Variants in RIPOR3 observed in about 807,000 individuals in gnomAD.
The protein encoded by RIPOR3 is family with sequence similarity 65 member C.
Under a neutral mutation model 114.3 loss-of-function variants are expected in RIPOR3, and 95 were observed. The ratio of observed to expected loss-of-function variants is 0.83; its 90% confidence interval spans 0.70 to 0.99. RIPOR3 has a LOEUF of 0.99. Ranked by LOEUF, RIPOR3 falls within the 50% of genes least tolerant of loss-of-function variation. The pLI, the probability that RIPOR3 is intolerant of heterozygous loss-of-function variation, is 0.00. For missense variants in RIPOR3, 1,252 were observed against 1,266.9 expected, an observed-to-expected ratio of 0.99 and a Z score of 0.18; for synonymous variants, 575 against 543.8, an observed-to-expected ratio of 1.06 and a Z score of -0.80.
intron 19 of RIPOR3, among the ~76,000 whole-genome samples, chr20:50,591,816 G>A (rs1391929991): frequency 6.6e-6 from 1 of 152,238 alleles, no homozygotes; most frequent in Non-Finnish European, 1.5e-5. Context: ...ACTAAGAAAG[G>A]CTGGGCGCAG....
rs942940961 is a variant in RIPOR3 at position 50,647,478 on chromosome 20, C to CTTT, written c.4-16625_4-16623dup. ...TCAAGTCTAGCCTTTGCCTCATTCT[C>CTTT]TTTTTTTTTTTTTTTTTTTTTTGAG... is the stretch of plus-strand genomic sequence containing the variant. On this transcript the variant is annotated intron_variant, in intron 1 of 21. Transcript: ENST00000327979. 5.1e-3 allele frequency among the ~76,000 whole-genome samples: 511 copies of CTTT among 100,270 alleles called. 2 individuals carry two copies. The highest frequency in any genetic ancestry group is 6.1e-3 in the Non-Finnish European group (309 of 50,292). 65.8% of individuals were successfully genotyped at this position (100,270 alleles called of 152,430 possible). A position where few individuals can be genotyped will look rare whatever the true frequency, so the allele number is the denominator to read the frequency against.
At chr20:50,676,291 C>T (rs1311337206) in intron 1 of RIPOR3, among the ~76,000 whole-genome samples, 1 of 152,092 alleles carries the variant, frequency 6.6e-6, no homozygotes, top group African/African-American at 2.4e-5. Context: ...TGCTGTGTCA[C>T]GTACTTGCCA....
chr20:50,690,383 T>C (rs1484183455), intron 1 of RIPOR3, among the ~76,000 whole-genome samples: 2 of 152,264 alleles, frequency 1.3e-5, no homozygotes, highest in South Asian at 4.1e-4. Flanking sequence ...TGGGCACTCT[T>C]CGTTCAAGCC....
At chr20:50,626,397 G>T (rs1043712623) in intron 2 of RIPOR3, among the ~76,000 whole-genome samples, 1 of 152,262 alleles carries the variant, frequency 6.6e-6, no homozygotes, top group Non-Finnish European at 1.5e-5. Flanking sequence ...CATCAGGGCT[G>T]TCTTTCCTAG....
Position 50,611,172 on chromosome 20 carries a change from CAG to C in RIPOR3, c.372+7_372+8del. On this transcript the variant is annotated splice_region_variant and intron_variant, in intron 5 of 21. Transcript: ENST00000327979. Reference sequence around the variant, plus strand: ...CCCAGCCCACCTCACTCACCGTATGCAGACTCACCTTGTCCAGGTCATAATAG... The same window carrying C: ...CCCAGCCCACCTCACTCACCGTATGCACTCACCTTGTCCAGGTCATAATAG... 6.2e-7 allele frequency: 1 copy of C among 1,614,186 alleles called. No homozygotes were observed. The highest frequency in any genetic ancestry group is 8.5e-7 in the Non-Finnish European group (1 of 1,180,044).
chr20:50,653,426 A>G (rs1164584038), intron 1 of RIPOR3, among the ~76,000 whole-genome samples: 3 of 151,834 alleles, frequency 2.0e-5, no homozygotes, highest in Non-Finnish European at 4.4e-5. Context: ...AAAGAAAAAA[A>G]CACTAAATTG....
chr20:50,622,583 C>G (rs967680179), intron 2 of RIPOR3, among the ~76,000 whole-genome samples: 1 of 152,154 alleles, frequency 6.6e-6, no homozygotes, highest in African/African-American at 2.4e-5. Flanking sequence ...CAACCCACCC[C>G]TAAAAGCTGG....
intron 20 of RIPOR3, among the ~76,000 whole-genome samples, chr20:50,588,866 G>A (rs2122846699): frequency 6.6e-6 from 1 of 151,534 alleles, no homozygotes; most frequent in East Asian, 1.9e-4. Context: ...AGATCACGAG[G>A]TCAGGAGATC....
intron 1 of RIPOR3, among the ~76,000 whole-genome samples, chr20:50,686,366 G>A (rs1292539209): frequency 2.0e-5 from 3 of 152,042 alleles, no homozygotes; most frequent in Non-Finnish European, 4.4e-5. Flanking sequence ...AAGACAACGG[G>A]CTCTTAACAG....
Position 50,616,965 on chromosome 20 carries a change from AC to A in RIPOR3, c.270-886del, listed in dbSNP as rs1358183769. Reference sequence around the variant, plus strand: ...AGACCATCCTGGCTAACACAGTGAAACCCCATCTCTCCTAAAAATACAAAAA... The same window carrying A: ...AGACCATCCTGGCTAACACAGTGAAACCCATCTCTCCTAAAAATACAAAAA... On this transcript the variant is annotated intron_variant, in intron 3 of 21. Transcript: ENST00000327979. Among the ~76,000 whole-genome samples, 3 of 152,060 alleles carry A rather than the reference AC, an allele frequency of 2.0e-5. No homozygotes were observed. The East Asian group carries it at 5.8e-4, about 30-fold the overall frequency.
At chr20:50,626,637 C>T (rs1391514641) in intron 2 of RIPOR3, among the ~76,000 whole-genome samples, 3 of 152,238 alleles carry the variant, frequency 2.0e-5, no homozygotes, top group Non-Finnish European at 4.4e-5. Context: ...CCCCACAGGC[C>T]TGGCAGGAGG....
chr20:50,675,653 C>T (rs2086655022), intron 1 of RIPOR3, among the ~76,000 whole-genome samples: 1 of 152,308 alleles, frequency 6.6e-6, no homozygotes, highest in East Asian at 1.9e-4. Context: ...TGTCCAAGGC[C>T]ACCCTATTTA....
chr20:50,601,886 A>G (rs927137340), intron 13 of RIPOR3, among the ~76,000 whole-genome samples, 186 bp downstream of exon 13: 4 of 152,150 alleles, frequency 2.6e-5, no homozygotes, highest in African/African-American at 7.2e-5. Flanking sequence ...CCTGAGCCCC[A>G]TGAGGGCTGT....
intron 1 of RIPOR3, among the ~76,000 whole-genome samples, chr20:50,684,264 T>C (rs568146406): frequency 6.6e-6 from 1 of 152,262 alleles, no homozygotes; most frequent in South Asian, 2.1e-4. Flanking sequence ...AGAGTCAGGA[T>C]GGCCTCGCTG....
chr20:50,665,283 CAA>C (rs546774316), intron 1 of RIPOR3, among the ~76,000 whole-genome samples: 5 of 134,530 alleles, frequency 3.7e-5, no homozygotes, highest in Admixed American at 7.4e-5. Flanking sequence ...CTAAAAATAC[CAA>C]AAAAAAAAAA....
chr20:50,666,223 T>TTTTTTTCTTTTCTTTTC, intron 1 of RIPOR3, among the ~76,000 whole-genome samples: 1 of 105,010 alleles, frequency 9.5e-6, no homozygotes, highest in Non-Finnish European at 2.0e-5. Context: ...TTTTCTTTTC[T>TTTTTTTCTTTTCTTTTC]TTTTTGAGAC....
In RIPOR3 at chr20:50,631,112, G is replaced by A. The variant is rs185790292; in HGVS notation, c.4-256C>T. On this transcript the variant is annotated intron_variant, in intron 1 of 21. Transcript: ENST00000327979. Reference sequence around the variant, plus strand: ...ACTCTGTGCTCAGGTCCTTAGTGCCGGGCAATGCTGCCTCCCAGAGCAAGG... The same window carrying A: ...ACTCTGTGCTCAGGTCCTTAGTGCCAGGCAATGCTGCCTCCCAGAGCAAGG... Among the ~76,000 whole-genome samples the A allele has an allele frequency of 3.9e-3, 594 of 152,200 alleles. 7 individuals carry two copies. Among genetic ancestry groups the A allele is most frequent in the African/African-American group, 0.013 (556 of 41,528 alleles).
At chr20:50,686,171 C>T (rs1414817226) in intron 1 of RIPOR3, among the ~76,000 whole-genome samples, 7 of 151,944 alleles carry the variant, frequency 4.6e-5, no homozygotes, top group Non-Finnish European at 7.4e-5. Flanking sequence ...ATTCTCCTGC[C>T]TCAGCCTCCC....
rs150845644 is a variant in RIPOR3 at position 50,680,593 on chromosome 20, G to A, written c.3+10533C>T. On this transcript the variant is annotated intron_variant, in intron 1 of 21. Transcript: ENST00000327979. ...ACGTGTCGTGTGCAGCCGCCTGTGC[G>A]AGGCTGGTAATCTCACGCCGACCTG... is the stretch of plus-strand genomic sequence containing the variant. Among the ~76,000 whole-genome samples, 32 of 152,332 alleles carry A rather than the reference G, an allele frequency of 2.1e-4. No individual in the cohort carries two copies. The East Asian group carries it at 6.2e-3, about 29-fold the overall frequency.
Sources: allele counts gnomAD v4.1 joint callset (sites outside exome capture counted in the v4.1 genomes callset), GRCh38; gene constraint gnomAD v4.1.1; transcripts MANE v1.5; gene names NCBI Gene and HGNC (gene_info 2026-07-23, HGNC 2026-07-21).